Variants in RNF146 observed in about 807,000 individuals in gnomAD.
RNF146 encodes the protein ring finger protein 146.
A neutral mutation model predicts 29.7 loss-of-function variants in RNF146; 11 were observed. That is an observed-to-expected ratio of 0.37 (90% CI 0.23 to 0.61). The LOEUF (loss-of-function observed/expected upper bound fraction) is 0.61, where lower values mean the gene tolerates loss of function less well. Ranked by LOEUF, RNF146 falls within the 20% of genes least tolerant of loss-of-function variation. RNF146 has a pLI of 0.66. For missense variants in RNF146, 342 were observed against 438.9 expected (o/e 0.78, Z 1.97); for synonymous variants, 150 against 159.7 (o/e 0.94, Z 0.46).
rs779347710 is a variant in RNF146, at chr6:127,286,578, T to C, written c.3-38T>C. 5 of 1,533,732 alleles carry C rather than the reference T, an allele frequency of 3.3e-6. No homozygotes were observed. The East Asian group carries it at 9.2e-5, about 28-fold the overall frequency. On this transcript the variant is annotated intron_variant, in intron 2 of 2. Coordinates refer to ENST00000368314, the MANE Select transcript of RNF146 (RefSeq NM_001242850.2). This position sits in a 1 kb window ranked among gnomAD's most constrained non-coding sequence, Gnocchi z 4.6. Reference sequence around the variant, plus strand: ...TGTTAAATTAAGATATTGCAAGAATTAAAACATGACTTTAATATTATATGT... The same window carrying C: ...TGTTAAATTAAGATATTGCAAGAATCAAAACATGACTTTAATATTATATGT...
chr6:127,285,724 C>G (rs1779427031), intron 2 of RNF146, among the ~76,000 whole-genome samples: 1 of 151,826 alleles, frequency 6.6e-6, no homozygotes, highest in Non-Finnish European at 1.5e-5. Flanking sequence ...ACTGCCCAGC[C>G]CCTCTGAATG....
At chr6:127,285,771 C>T (rs117852023) in intron 2 of RNF146, among the ~76,000 whole-genome samples, 1 of 151,986 alleles carries the variant, frequency 6.6e-6, no homozygotes, top group East Asian at 1.9e-4. Flanking sequence ...ATCCTCTCAT[C>T]TCTCTCTTAC....
At chr6:127,275,690 G>A (rs995965187) in intron 1 of RNF146, among the ~76,000 whole-genome samples, 2 of 152,070 alleles carry the variant, frequency 1.3e-5, no homozygotes, top group Non-Finnish European at 2.9e-5. Context: ...CTTTCTGGAG[G>A]TAGTCAGAGA....
chr6:127,288,440 G>A lies in RNF146; in HGVS notation c.*747G>A, dbSNP rs964562940. 21 of 166,978 alleles carry A rather than the reference G, an allele frequency of 1.3e-4. No homozygotes were observed. The highest frequency in any genetic ancestry group is 2.5e-4 in the Non-Finnish European group (17 of 68,032). 10.3% of individuals were successfully genotyped at this position (166,978 alleles called of 1,614,324 possible). ...GTGACCAAAGGTCACTTAAAAAGTG[G>A]TGGTTTTAATTGGTTGTTTTCAGCT... On this transcript the variant is annotated 3_prime_UTR_variant, in exon 3 of 3. Coordinates refer to ENST00000368314, the MANE Select transcript of RNF146 (RefSeq NM_001242850.2).
At position 127,269,574 on chromosome 6, in the gene RNF146, C is replaced by T. The variant is rs558718833; in HGVS notation, c.-109+2649C>T. ...AGTAACGTCTTAAAGGGAAATAATT[C>T]TTTAAAGTATCAGACCCCATTTAGT... On this transcript the variant is annotated intron_variant, in intron 1 of 2. Transcript: ENST00000368314. Among the ~76,000 whole-genome samples the T allele has an allele frequency of 4.6e-5, 7 of 152,258 alleles. No homozygotes were observed. In the East Asian group the frequency reaches 7.7e-4, roughly 17 times the overall value.
At chr6:127,282,285 A>G (rs1265323932) in intron 2 of RNF146, 1 of 151,640 alleles carries the variant, frequency 6.6e-6, no homozygotes, top group Non-Finnish European at 1.5e-5. Context: ...TTTACCTCAC[A>G]GATATTGGAG....
chr6:127,285,444 C>T, intron 2 of RNF146: 1 of 447,238 alleles, frequency 2.2e-6, no homozygotes. Context: ...TTTAAGCTTT[C>T]AATCTCTGAC....
intron 1 of RNF146, among the ~76,000 whole-genome samples, chr6:127,276,755 T>C (rs1778264482): frequency 6.6e-6 from 1 of 152,090 alleles, no homozygotes; most frequent in South Asian, 2.1e-4. Context: ...GACAACTAGC[T>C]TTAAATGTGA....
chr6:127,285,967 T>C, intron 2 of RNF146: 1 of 1,040,290 alleles, frequency 9.6e-7, no homozygotes. Context: ...TCTGAATCAA[T>C]AAGGCAGAAA....
At chr6:127,280,523 A>T in intron 2 of RNF146, 183 bp downstream of exon 2, 1 of 1,257,718 alleles carries the variant, frequency 8.0e-7, no homozygotes, top group East Asian at 3.1e-5. Context: ...TAGATTTCCA[A>T]GTCTCCTCAA....
At position 127,287,115 on chromosome 6, in the gene RNF146, C is replaced by T; in HGVS notation, c.502C>T (p.Arg168Ter). ...ACATGGACGTCGCAGGAAGATTAAG[C>T]GAGATATAATAGATATACCAAAGAA... ...NEHGRRRKIK[R>*]DIIDIPKKGV... The change falls in exon 3 of 3, where the codon CGA (arginine) becomes TGA (stop). Residue 168 changes from arginine (R) to a stop codon, truncating the protein, a stop_gained. Transcript: ENST00000368314. LOFTEE classifies it high-confidence loss of function. 1 of 1,613,220 alleles carries T rather than the reference C, an allele frequency of 6.2e-7. No individual in the cohort carries two copies. Among genetic ancestry groups the T allele is most frequent in the Non-Finnish European group, 8.5e-7 (1 of 1,179,592 alleles).
At chr6:127,282,023 GAA>G (rs1386591396) in intron 2 of RNF146, among the ~76,000 whole-genome samples, 1 of 151,734 alleles carries the variant, frequency 6.6e-6, no homozygotes, top group Non-Finnish European at 1.5e-5. Context: ...AATAGGGAAA[GAA>G]AGATGTCTTG....
chr6:127,267,427 G>A (rs1010870796), intron 1 of RNF146, among the ~76,000 whole-genome samples: 4 of 152,198 alleles, frequency 2.6e-5, no homozygotes, highest in African/African-American at 9.6e-5. Flanking sequence ...TTCTGGCCTC[G>A]AGGTGTAGGG....
chr6:127,287,797 G>T lies in RNF146; in HGVS notation c.*104G>T. Reference sequence around the variant, plus strand: ...CCTAGTAGTGCATTTTGGGAGTTGGGGTGGGAAGGGGTATGGGAAGGATAG... The same window carrying T: ...CCTAGTAGTGCATTTTGGGAGTTGGTGTGGGAAGGGGTATGGGAAGGATAG... On this transcript the variant is annotated 3_prime_UTR_variant, in exon 3 of 3. Coordinates refer to ENST00000368314, the MANE Select transcript of RNF146 (RefSeq NM_001242850.2). 1.4e-6 allele frequency: 1 copy of T among 709,232 alleles called. No homozygotes were observed. Among genetic ancestry groups the T allele is most frequent in the East Asian group, 2.5e-5 (1 of 39,778 alleles). 43.9% of individuals were successfully genotyped at this position (709,232 alleles called of 1,614,324 possible).
intron 1 of RNF146, among the ~76,000 whole-genome samples, chr6:127,272,129 A>G (rs1777582484): frequency 6.6e-6 from 1 of 152,204 alleles, no homozygotes; most frequent in Non-Finnish European, 1.5e-5. Context: ...GACTTTGGGT[A>G]AGTCATTTAA....
intron 2 of RNF146, chr6:127,285,137 A>G: frequency 1.2e-6 from 1 of 853,262 alleles, no homozygotes; most frequent in Non-Finnish European, 1.4e-6. Flanking sequence ...TCTTCCATTG[A>G]GACTGTGTTG....
rs1478709901 is a variant in RNF146, at chr6:127,287,563, A to G, written c.950A>G (p.Asn317Ser). The G allele has an allele frequency of 6.2e-7, 1 of 1,612,980 alleles. No individual in the cohort carries two copies. The highest frequency in any genetic ancestry group is 1.1e-5 in the South Asian group (1 of 91,046). ...SLTQQRLLVS[N>S]ANQTVPDRSD... ...ACCCAACAGAGACTTTTGGTTTCTA[A>G]TGCAAACCAGACAGTACCCGATCGA... Residue 317 changes from asparagine (N) to serine (S), a missense_variant, in exon 3 of 3, where the codon AAT (asparagine) becomes AGT (serine). This residue lies in a region of RNF146 where 196 missense variants were observed against 208.9 expected (regional missense o/e 0.94). Coordinates refer to ENST00000368314, the MANE Select transcript of RNF146 (RefSeq NM_001242850.2).
intron 2 of RNF146, chr6:127,285,396 G>A (rs1779375975): frequency 1.1e-6 from 1 of 917,678 alleles, no homozygotes; most frequent in Non-Finnish European, 1.3e-6. Context: ...GACCCATTTA[G>A]AATGGCAGAA....
chr6:127,275,868 G>T (rs1778141416), intron 1 of RNF146, among the ~76,000 whole-genome samples: 1 of 152,100 alleles, frequency 6.6e-6, no homozygotes, highest in South Asian at 2.1e-4. Context: ...TCTATGGGTG[G>T]TTGTTGAAGA....
Sources: gnomAD v4.1 joint callset for allele counts (sites outside exome capture counted in the v4.1 genomes callset) on GRCh38, gnomAD v4.1.1 for gene constraint, gnomAD v4.1.1 regional missense constraint, Gnocchi (gnomAD v3.1) non-coding constraint, MANE v1.5 for transcripts, NCBI Gene and HGNC (gene_info 2026-07-23, HGNC 2026-07-21) for gene names.